DAPK2: variants seen among roughly 807,000 people sequenced by gnomAD.
DAPK2 encodes death associated protein kinase 2.
A neutral mutation model predicts 44.1 loss-of-function variants in DAPK2; 35 were observed. The ratio of observed to expected loss-of-function variants is 0.79; its 90% CI spans 0.61 to 1.05. The LOEUF is 1.05. DAPK2 is among the 50% of genes least tolerant of loss of function. The pLI is 0.00. For missense variants in DAPK2, 453 were observed against 483.2 expected, an observed-to-expected ratio of 0.94 and a Z score of 0.59; for synonymous variants, 174 against 182.6, an observed-to-expected ratio of 0.95 and a Z score of 0.38.
intron 3 of DAPK2, among the ~76,000 whole-genome samples, chr15:63,956,509 A>G (rs2077726533): frequency 6.6e-6 from 1 of 151,320 alleles, no homozygotes; most frequent in African/African-American, 2.4e-5. Flanking sequence ...GTGTTTGTAT[A>G]GTTTCCAAAA....
chr15:63,932,653 T>A (rs2077004073), intron 4 of DAPK2: 1 of 151,996 alleles, frequency 6.6e-6, no homozygotes, highest in East Asian at 1.9e-4. Flanking sequence ...CAACTGCGAA[T>A]GGAAAAGGTG....
intron 1 of DAPK2, among the ~76,000 whole-genome samples, chr15:64,000,458 G>C (rs577257657): frequency 1.3e-5 from 2 of 152,302 alleles, no homozygotes; most frequent in African/African-American, 4.8e-5. Context: ...TTTCCCTAAA[G>C]TATAGGCTCT....
chr15:63,911,987 G>T, exon 10 of DAPK2: 1 of 1,613,910 alleles, frequency 6.2e-7, no homozygotes, highest in Non-Finnish European at 8.5e-7. Context: ...GATGCTGAAG[G>T]AAAGCTGAGG....
At chr15:64,021,581 C>A (rs2079684321) in intron 1 of DAPK2, among the ~76,000 whole-genome samples, 1 of 152,144 alleles carries the variant, frequency 6.6e-6, no homozygotes, top group Non-Finnish European at 1.5e-5. Context: ...GGAAGGGACA[C>A]AAAGAAGGAT....
At chr15:63,989,723 G>A (rs975693177) in intron 1 of DAPK2, among the ~76,000 whole-genome samples, 3 of 151,814 alleles carry the variant, frequency 2.0e-5, no homozygotes, top group Admixed American at 6.6e-5. Flanking sequence ...ACATAGTCTC[G>A]CTCTGTTGCC....
intron 1 of DAPK2, among the ~76,000 whole-genome samples, chr15:64,021,734 G>T (rs917743242): frequency 6.6e-6 from 1 of 152,222 alleles, no homozygotes; most frequent in Non-Finnish European, 1.5e-5. Flanking sequence ...GGGATAGATG[G>T]GGCTGGAAGG....
chr15:64,028,108 G>C (rs919256894), intron 1 of DAPK2, among the ~76,000 whole-genome samples: 4 of 151,924 alleles, frequency 2.6e-5, no homozygotes, highest in Non-Finnish European at 5.9e-5. Flanking sequence ...GCCCAGGCTG[G>C]AGTGCAGTGG....
intron 2 of DAPK2, among the ~76,000 whole-genome samples, chr15:63,972,865 C>G (rs2078250462): frequency 6.6e-6 from 1 of 152,110 alleles, no homozygotes; most frequent in African/African-American, 2.4e-5. Context: ...ACCAAGCAAC[C>G]ATTTGATAAA....
chr15:63,996,237 C>T (rs76504924), intron 1 of DAPK2, among the ~76,000 whole-genome samples: 6,176 of 152,204 alleles, frequency 0.041, 426 homozygotes, highest in African/African-American at 0.14. Flanking sequence ...AGTTGAAGAC[C>T]AGCCAGGGCA....
At chr15:63,978,446 G>A (rs539733866) in intron 2 of DAPK2, among the ~76,000 whole-genome samples, 52 of 152,318 alleles carry the variant, frequency 3.4e-4, no homozygotes, top group Non-Finnish European at 6.5e-4. Context: ...GGACTTTGGG[G>A]TGCAGTAATC....
intron 1 of DAPK2, among the ~76,000 whole-genome samples, chr15:64,019,297 T>C (rs544142332): frequency 6.6e-6 from 1 of 152,368 alleles, no homozygotes; most frequent in South Asian, 2.1e-4. Context: ...TCTGAAATCT[T>C]ATATGATTGC....
At chr15:63,968,001 T>C (rs2078103838) in intron 3 of DAPK2, among the ~76,000 whole-genome samples, 1 of 151,982 alleles carries the variant, frequency 6.6e-6, no homozygotes. Context: ...TAACAGAATA[T>C]AAGCAGGAGA....
intron 1 of DAPK2, among the ~76,000 whole-genome samples, chr15:63,992,141 G>A (rs1272454576): frequency 6.6e-6 from 1 of 152,092 alleles, no homozygotes; most frequent in African/African-American, 2.4e-5. Flanking sequence ...TTTTGATGCT[G>A]TTGTCAAATG....
At chr15:63,929,627 A>C (rs559825212) in intron 5 of DAPK2, 50 bp from the exon 7 acceptor site, 2 of 1,611,976 alleles carry the variant, frequency 1.2e-6, no homozygotes, top group East Asian at 4.5e-5. Context: ...CCCATCCCCG[A>C]CCAGCAAGGG....
chr15:63,972,967 T>G (rs1320322674), intron 2 of DAPK2, among the ~76,000 whole-genome samples: 2 of 152,208 alleles, frequency 1.3e-5, no homozygotes, highest in Non-Finnish European at 2.9e-5. Context: ...CAGGACCTAT[T>G]GTCCAAGACA....
chr15:63,945,646 T>C (rs778418123), intron 3 of DAPK2, among the ~76,000 whole-genome samples: 1 of 152,042 alleles, frequency 6.6e-6, no homozygotes, highest in African/African-American at 2.4e-5. Flanking sequence ...GGCCTGCAGA[T>C]TGGAAAACTG....
chr15:63,914,234 G>A (rs1235827451), intron 8 of DAPK2, among the ~76,000 whole-genome samples: 1 of 150,496 alleles, frequency 6.6e-6, no homozygotes, highest in Non-Finnish European at 1.5e-5. Context: ...GGCGGGGGGT[G>A]GGGTGACCCA....
rs779268346 is a variant in DAPK2, at chr15:63,983,726, G to A, written c.121C>T (p.Arg41Trp). The change falls in exon 2 of 11, where the codon CGG becomes TGG. Residue 41 changes from arginine (R) to tryptophan (W), a missense_variant. Coordinates refer to ENST00000261891, the Ensembl canonical transcript of DAPK2. ...TACTCAAGCCCCGTGCTCTTCTCCC[G>A]GCACTTCTTCACGATGGCAAACTGG... The A allele has an allele frequency of 3.9e-5, 63 of 1,612,382 alleles. No homozygotes were observed. Among genetic ancestry groups the A allele is most frequent in the African/African-American group, 9.3e-5 (7 of 74,902 alleles).
chr15:63,960,095 G>A (rs531032012), intron 3 of DAPK2, among the ~76,000 whole-genome samples: 3 of 152,164 alleles, frequency 2.0e-5, no homozygotes, highest in Admixed American at 1.3e-4. Context: ...GAGTGTATGT[G>A]TCCAGGAATT....
Sources: gnomAD v4.1 joint callset for allele counts (sites outside exome capture counted in the v4.1 genomes callset) on GRCh38, gnomAD v4.1.1 for gene constraint, MANE v1.5 for transcripts, NCBI Gene and HGNC (gene_info 2026-07-23, HGNC 2026-07-21) for gene names.